The following COL9A3 variants were observed in gnomAD, a reference collection of about 807,000 sequenced individuals.
COL9A3 encodes collagen type IX alpha 3 chain.
In COL9A3, 82 loss-of-function variants were observed where a neutral mutation model predicts 110.2. The ratio of observed to expected loss-of-function variants is 0.74; its 90% CI spans 0.62 to 0.89. COL9A3 has a LOEUF of 0.89. COL9A3 is among the 40% of genes least tolerant of loss of function. COL9A3 has a pLI of 0.00. For missense variants in COL9A3, 1,066 were observed against 981.3 expected (o/e 1.09, Z -1.15); for synonymous variants, 494 against 403.8 (o/e 1.22, Z -2.68).
rs781054072 is a variant in COL9A3 at position 62,840,635 on chromosome 20, T to C, written c.1958T>C (p.Ile653Thr). Reference sequence around the variant, plus strand: ...GGAGATCCTGGGCTTCCAGGTGCCATTGGGGCCCAGGGGACACCGGGGATC... The same window carrying C: ...GGAGATCCTGGGCTTCCAGGTGCCACTGGGGCCCAGGGGACACCGGGGATC... ...PPGDPGLPGA[I>T]GAQGTPGICD... The change falls in exon 32 of 32, where the codon ATT (isoleucine) becomes ACT (threonine). Residue 653 changes from isoleucine to threonine, a missense_variant. Transcript: ENST00000649368. 42 of 1,612,088 alleles carry C rather than the reference T, an allele frequency of 2.6e-5. No individual in the cohort carries two copies. The highest frequency in any genetic ancestry group is 2.5e-4 in the Admixed American group (15 of 59,794).
intron 11 of COL9A3, among the ~76,000 whole-genome samples, 165 bp downstream of exon 11, chr20:62,824,666 C>T (rs933832741): frequency 3.9e-5 from 6 of 152,210 alleles, no homozygotes; most frequent in African/African-American, 1.2e-4. Context: ...CTTCAGCACC[C>T]CAGTGACACG....
intron 31 of COL9A3, among the ~76,000 whole-genome samples, 196 bp downstream of exon 31, chr20:62,838,957 G>A (rs1009276380): frequency 1.3e-5 from 2 of 152,186 alleles, no homozygotes; most frequent in Admixed American, 1.3e-4. Context: ...GGGCGCGGTG[G>A]CTTACACCTG....
upstream of COL9A3, chr20:62,816,222 A>G (rs1355073228): frequency 1.3e-5 from 2 of 152,188 alleles, no homozygotes; most frequent in Non-Finnish European, 2.9e-5. Context: ...TGAGTCCCCT[A>G]GGGCAGCGAC....
chr20:62,828,057 T>C (rs1416511677), intron 17 of COL9A3, 81 bp downstream of exon 17: 32 of 1,403,090 alleles, frequency 2.3e-5, no homozygotes, highest in Non-Finnish European at 3.0e-5. Flanking sequence ...TCAGAAGGGC[T>C]GGAGCTCAGT....
At chr20:62,829,986 G>A (rs999521086) in intron 22 of COL9A3, among the ~76,000 whole-genome samples, 167 bp downstream of exon 22, 13 of 152,168 alleles carry the variant, frequency 8.5e-5, no homozygotes, top group African/African-American at 2.7e-4. Flanking sequence ...TCCCTCACCC[G>A]CTGGGAGACG....
chr20:62,819,190 C>T (rs148233256), intron 3 of COL9A3, 32 bp from the exon 4 acceptor site: 3 of 1,605,256 alleles, frequency 1.9e-6, no homozygotes, highest in Non-Finnish European at 2.6e-6. Context: ...CCAGACCCCG[C>T]CTTCACATCT....
intron 24 of COL9A3, chr20:62,831,385 GCAGA>G (rs1276023802): frequency 6.6e-6 from 1 of 152,640 alleles, no homozygotes; most frequent in Non-Finnish European, 1.5e-5. Context: ...CCTCTGCTGG[GCAGA>G]CAGACCCCTT....
intron 10 of COL9A3, 126 bp from the exon 11 acceptor site, chr20:62,824,319 G>A: frequency 1.0e-6 from 1 of 971,080 alleles, no homozygotes; most frequent in Non-Finnish European, 1.6e-6. Context: ...TCACCATGAG[G>A]AGTGGCCTCC....
intron 4 of COL9A3, 36 bp from the exon 5 acceptor site, chr20:62,819,893 T>C (rs547556520): frequency 1.1e-4 from 171 of 1,612,140 alleles, no homozygotes; most frequent in Non-Finnish European, 1.4e-4. Flanking sequence ...GTGCTTCCCA[T>C]GTGGCCCCTC....
chr20:62,825,082 A>AGGGGCTGGGCTCCGGCGGTG, intron 12 of COL9A3, 61 bp downstream of exon 12: 2 of 678,210 alleles, frequency 2.9e-6, no homozygotes, highest in South Asian at 3.6e-5. Flanking sequence ...CTCCGGCGGG[A>AGGGGCTGGGCTCCGGCGGTG]GGGAGGGGCT....
Position 62,828,758 on chromosome 20 carries a change from C to T in COL9A3, c.901-6C>T. The T allele has an allele frequency of 1.2e-6, 2 of 1,612,696 alleles. No homozygotes were observed. The highest frequency in any genetic ancestry group is 1.7e-6 in the Non-Finnish European group (2 of 1,179,846). ...CCGACGGGCCTTACTCATCCCTTGT[C>T]CCCAGGGCATGCCGGGCAAGGACGG... On this transcript the variant is annotated splice_region_variant and splice_polypyrimidine_tract_variant and intron_variant, in intron 17 of 31. Transcript: ENST00000649368.
At chr20:62,827,218 C>CT in intron 15 of COL9A3, 23 bp from the exon 16 acceptor site, 3 of 1,613,064 alleles carry the variant, frequency 1.9e-6, no homozygotes, top group Non-Finnish European at 2.5e-6. Context: ...AACTCTGTCC[C>CT]TGCCCCACCT....
Position 62,838,772 on chromosome 20 carries a change from A to G in COL9A3, c.1864+11A>G. On this transcript the variant is annotated intron_variant, in intron 31 of 31. Transcript: ENST00000649368. ...ACCAGGGGCCCCAAGGTACGAGTCC[A>G]CGGCCAGCAAGGCTTCACTGGGTGA... The G allele has an allele frequency of 6.4e-7, 1 of 1,550,466 alleles. No homozygotes were observed. The highest frequency in any genetic ancestry group is 8.7e-7 in the Non-Finnish European group (1 of 1,146,066).
chr20:62,836,729 G>A (rs2063639926), intron 29 of COL9A3, 197 bp downstream of exon 29: 5 of 651,442 alleles, frequency 7.7e-6, no homozygotes, highest in East Asian at 2.7e-5. Flanking sequence ...GATGGCCCAC[G>A]CTCCCGCCCC....
intron 3 of COL9A3, among the ~76,000 whole-genome samples, 166 bp downstream of exon 3, chr20:62,818,719 G>A (rs942366191): frequency 4.6e-5 from 7 of 152,232 alleles, no homozygotes; most frequent in Non-Finnish European, 8.8e-5. Flanking sequence ...GGGGCGGGAG[G>A]GGAGTGTGTG....
chr20:62,820,088 A>G lies in COL9A3; in HGVS notation c.309+106A>G. Reference sequence around the variant, plus strand: ...GGCCAAGGAGCTGGTAGTTCCAAGGACAGCTGCCCTGCCCGTGCCTGGGGT... The same window carrying G: ...GGCCAAGGAGCTGGTAGTTCCAAGGGCAGCTGCCCTGCCCGTGCCTGGGGT... On this transcript the variant is annotated intron_variant, in intron 5 of 31. Transcript: ENST00000649368. The G allele has an allele frequency of 6.7e-6, 9 of 1,338,360 alleles. 1 individual carries two copies. The South Asian group carries it at 1.1e-4, about 16-fold the overall frequency. The allele number at this position is 1,338,360 out of a possible 1,614,324, so 82.9% of individuals were successfully genotyped here. A position where few individuals can be genotyped will look rare whatever the true frequency, so the allele number is the denominator to read the frequency against.
chr20:62,822,444 TG>T, intron 9 of COL9A3, 146 bp from the exon 10 acceptor site: 1 of 860,284 alleles, frequency 1.2e-6, no homozygotes, highest in Non-Finnish European at 1.9e-6. Flanking sequence ...CTCCCAGCAC[TG>T]GCCACTTGGG....
At chr20:62,833,560 T>G (rs750910588) in intron 26 of COL9A3, among the ~76,000 whole-genome samples, 4 of 149,752 alleles carry the variant, frequency 2.7e-5, no homozygotes, top group Non-Finnish European at 5.9e-5. Flanking sequence ...CCCGCCACCA[T>G]GCCCAGCTAA....
chr20:62,828,870 G>A (rs1166036685), intron 18 of COL9A3, 53 bp downstream of exon 18: 11 of 1,612,136 alleles, frequency 6.8e-6, no homozygotes, highest in African/African-American at 2.7e-5. Flanking sequence ...AGGGGAGTTC[G>A]GCCTCCCGAG....
Sources: allele counts gnomAD v4.1 joint callset (sites outside exome capture counted in the v4.1 genomes callset), GRCh38; gene constraint gnomAD v4.1.1; transcripts MANE v1.5; gene names NCBI Gene and HGNC (gene_info 2026-07-23, HGNC 2026-07-21).